KCNQ1OT1: variants seen among roughly 807,000 people sequenced by gnomAD.
KCNQ1OT1 encodes KCNQ1 opposite strand/antisense transcript 1, also known as KCNQ1 antisense RNA 2 (non-protein coding).
At chr11:2,616,531 A>G (rs1206672798) in exon 1 of KCNQ1OT1, 4 of 397,674 alleles carry the variant, frequency 1.0e-5, no homozygotes, top group African/African-American at 2.1e-5. Flanking sequence ...CACAGCTATA[A>G]TTTTTCCTCT....
exon 1 of KCNQ1OT1, chr11:2,644,811 G>A (rs1444839073): frequency 1.0e-5 from 4 of 398,508 alleles, no homozygotes; most frequent in African/African-American, 8.2e-5. Context: ...TTTTTCAGCT[G>A]TAAACAGCAC....
Position 2,658,097 on chromosome 11 carries a change from T to G in KCNQ1OT1, n.41898A>C, listed in dbSNP as rs1348287059. 4 of 398,600 alleles carry G rather than the reference T, an allele frequency of 1.0e-5. No individual in the cohort carries two copies. Among genetic ancestry groups the G allele is most frequent in the Non-Finnish European group, 1.3e-5 (3 of 226,044 alleles). 24.7% of individuals were successfully genotyped at this position (398,600 alleles called of 1,614,324 possible). ...AAGGGAGGGGTTCAACTCTACCTCC[T>G]GCAGGAGAGTATCAAAAAAAATCTG... is the stretch of plus-strand genomic sequence containing the variant. On this transcript the variant is annotated non_coding_transcript_exon_variant, in exon 1 of 1. Transcript: ENST00000597346. This position sits in a 1 kb window ranked among gnomAD's most constrained non-coding sequence, Gnocchi z 4.9.
exon 1 of KCNQ1OT1, chr11:2,639,759 G>A (rs1422700160): frequency 6.6e-6 from 1 of 152,412 alleles, no homozygotes; most frequent in Non-Finnish European, 1.5e-5. Context: ...GGACATTTAA[G>A]TCTGCAGAGG....
At position 2,661,764 on chromosome 11, in the gene KCNQ1OT1, T is replaced by C. The variant is rs1214613939; in HGVS notation, n.38231A>G. On this transcript the variant is annotated non_coding_transcript_exon_variant, in exon 1 of 1. Coordinates refer to ENST00000597346, the Ensembl canonical transcript of KCNQ1OT1. This position sits in a 1 kb window ranked among gnomAD's most constrained non-coding sequence, Gnocchi z 5.9. ...ACTGGCCTTTATTCTCCTCAGACAC[T>C]GAGGTGTCAGGCACTTTGGGGCCAT... 1.5e-6 allele frequency: 1 copy of C among 650,536 alleles called. No individual in the cohort carries two copies. The highest frequency in any genetic ancestry group is 2.7e-5 in the East Asian group (1 of 36,816). The allele number at this position is 650,536 out of a possible 1,614,324, so 40.3% of individuals were successfully genotyped here.
At position 2,687,933 on chromosome 11, in the gene KCNQ1OT1, T is replaced by TCTCCCACCCGCTGTGGGTCAGCC; in HGVS notation, n.12039_12061dup. 1 of 398,646 alleles carries TCTCCCACCCGCTGTGGGTCAGCC rather than the reference T, an allele frequency of 2.5e-6. No homozygotes were observed. The highest frequency in any genetic ancestry group is 4.4e-6 in the Non-Finnish European group (1 of 226,168). 24.7% of individuals were successfully genotyped at this position (398,646 alleles called of 1,614,324 possible). ...TCCCCAGCAGTTGTGAGGCTGCACT[T>TCTCCCACCCGCTGTGGGTCAGCC]CTCCCACCCGCTGTGGGTCAGCCAG... On this transcript the variant is annotated non_coding_transcript_exon_variant, in exon 1 of 1. Transcript: ENST00000597346. The surrounding 1 kb of genome is among the most constrained non-coding windows in gnomAD (Gnocchi z 5.0).
exon 1 of KCNQ1OT1, chr11:2,609,399 C>A (rs1419543755): frequency 2.5e-6 from 1 of 398,278 alleles, no homozygotes; most frequent in Non-Finnish European, 4.4e-6. Context: ...TGTATTATTT[C>A]AATCCTTTTA....
At position 2,654,509 on chromosome 11, in the gene KCNQ1OT1, C is replaced by T. The variant is rs986939907; in HGVS notation, n.45486G>A. On this transcript the variant is annotated non_coding_transcript_exon_variant, in exon 1 of 1. Coordinates refer to ENST00000597346, the Ensembl canonical transcript of KCNQ1OT1. The surrounding 1 kb of genome is among the most constrained non-coding windows in gnomAD (Gnocchi z 6.4). ...CAGGGGAGGGGGCAATCTCCGGAGC[C>T]CTGGAAAGCTTGTGGAAGAGGGCTT... The T allele has an allele frequency of 1.5e-5, 6 of 398,534 alleles. No individual in the cohort carries two copies. The highest frequency in any genetic ancestry group is 4.4e-5 in the Admixed American group (1 of 22,700). 24.7% of individuals were successfully genotyped at this position (398,534 alleles called of 1,614,324 possible).
In KCNQ1OT1 at chr11:2,698,812, T is replaced by C. The variant is rs1850721810; in HGVS notation, n.1183A>G. 1.0e-5 allele frequency: 4 copies of C among 398,502 alleles called. No individual in the cohort carries two copies. The highest frequency in any genetic ancestry group is 1.3e-5 in the Non-Finnish European group (3 of 226,156). 24.7% of individuals were successfully genotyped at this position (398,502 alleles called of 1,614,324 possible). A position where few individuals can be genotyped will look rare whatever the true frequency, so the allele number is the denominator to read the frequency against. On this transcript the variant is annotated non_coding_transcript_exon_variant, in exon 1 of 1. Coordinates refer to ENST00000597346, the Ensembl canonical transcript of KCNQ1OT1. This position sits in a 1 kb window ranked among gnomAD's most constrained non-coding sequence, Gnocchi z 5.1. ...CCCAACTCAGACTCCCGATCCTCTGTCCCTAATGAGGCCCTACCTAAAACC... is the reference window on the plus strand; with the variant it reads ...CCCAACTCAGACTCCCGATCCTCTGCCCCTAATGAGGCCCTACCTAAAACC...
Position 2,653,054 on chromosome 11 carries a change from A to G in KCNQ1OT1, n.46941T>C, listed in dbSNP as rs1323094528. ...TCCAATGTGAGATCCAACATGTTCC[A>G]TAATTTGCATCAAACATCCTCATAC... is the stretch of plus-strand genomic sequence containing the variant. On this transcript the variant is annotated non_coding_transcript_exon_variant, in exon 1 of 1. Transcript: ENST00000597346. The surrounding 1 kb of genome is among the most constrained non-coding windows in gnomAD (Gnocchi z 5.3). 2.5e-6 allele frequency: 1 copy of G among 398,552 alleles called. No individual in the cohort carries two copies. The highest frequency in any genetic ancestry group is 3.6e-5 in the East Asian group (1 of 28,080). 24.7% of individuals were successfully genotyped at this position (398,552 alleles called of 1,614,324 possible).
rs1483703133 is a variant in KCNQ1OT1 at position 2,676,461 on chromosome 11, T to G, written n.23534A>C. 1 of 398,570 alleles carries G rather than the reference T, an allele frequency of 2.5e-6. No individual in the cohort carries two copies. The highest frequency in any genetic ancestry group is 2.1e-5 in the African/African-American group (1 of 48,644). 24.7% of individuals were successfully genotyped at this position (398,570 alleles called of 1,614,324 possible). ...GGACATGCTCACTGTTCTGCTCAGA[T>G]TGTTAGCTGTAGTCTTTCTGGCATC... On this transcript the variant is annotated non_coding_transcript_exon_variant, in exon 1 of 1. Transcript: ENST00000597346. This position sits in a 1 kb window ranked among gnomAD's most constrained non-coding sequence, Gnocchi z 4.2.
At chr11:2,635,255 C>A (rs542780430) in exon 1 of KCNQ1OT1, 1 of 152,200 alleles carries the variant, frequency 6.6e-6, no homozygotes, top group East Asian at 1.9e-4. Context: ...AAGTCCTTGC[C>A]CATGCCTATG....
chr11:2,609,084 CTCT>C (rs980486613), exon 1 of KCNQ1OT1: 6 of 397,650 alleles, frequency 1.5e-5, no homozygotes, highest in African/African-American at 1.0e-4. Flanking sequence ...GTTTAGTTTG[CTCT>C]TCTTTTTCTA....
In KCNQ1OT1 at chr11:2,677,039, TG is replaced by T. The variant is rs1331007099; in HGVS notation, n.22955del. 2.5e-6 allele frequency: 1 copy of T among 398,516 alleles called. No individual in the cohort carries two copies. Among genetic ancestry groups the T allele is most frequent in the Non-Finnish European group, 4.4e-6 (1 of 226,064 alleles). The allele number at this position is 398,516 out of a possible 1,614,324, so 24.7% of individuals were successfully genotyped here. On this transcript the variant is annotated non_coding_transcript_exon_variant, in exon 1 of 1. Coordinates refer to ENST00000597346, the Ensembl canonical transcript of KCNQ1OT1. This position sits in a 1 kb window ranked among gnomAD's most constrained non-coding sequence, Gnocchi z 4.5. ...GGAACAGATCCTCTGTTGATGGATA[TG>T]TAGGGCAGCTAAAAAACAGCAGCCA...
chr11:2,676,693 A>ACAGCC lies in KCNQ1OT1; in HGVS notation n.23297_23301dup. 2.5e-6 allele frequency: 1 copy of ACAGCC among 398,658 alleles called. No individual in the cohort carries two copies. The highest frequency in any genetic ancestry group is 4.4e-6 in the Non-Finnish European group (1 of 226,076). 24.7% of individuals were successfully genotyped at this position (398,658 alleles called of 1,614,324 possible). ...TTTCCAAGGGAGCACTAACTGGACT[A>ACAGCC]CAGCCTGGCAGGAGATAACCAAGTC... is the stretch of plus-strand genomic sequence containing the variant. On this transcript the variant is annotated non_coding_transcript_exon_variant, in exon 1 of 1. Coordinates refer to ENST00000597346, the Ensembl canonical transcript of KCNQ1OT1. The surrounding 1 kb of genome is among the most constrained non-coding windows in gnomAD (Gnocchi z 4.2).
At chr11:2,665,473 C>T (rs865810799) in exon 1 of KCNQ1OT1, 21 of 396,350 alleles carry the variant, frequency 5.3e-5, no homozygotes, top group Middle Eastern at 6.2e-4. Context: ...TGGGTGGGGA[C>T]GGTGCCATGC....
chr11:2,653,483 A>C lies in KCNQ1OT1; in HGVS notation n.46512T>G, dbSNP rs1231593804. 2 of 398,508 alleles carry C rather than the reference A, an allele frequency of 5.0e-6. No individual in the cohort carries two copies. The highest frequency in any genetic ancestry group is 4.1e-5 in the African/African-American group (2 of 48,608). The allele number at this position is 398,508 out of a possible 1,614,324, so 24.7% of individuals were successfully genotyped here. ...ACAGCTGGACCCAGCTGTTTCAGAC[A>C]CAGCTGGACCCCAGAGCTGAGATGA... On this transcript the variant is annotated non_coding_transcript_exon_variant, in exon 1 of 1. Coordinates refer to ENST00000597346, the Ensembl canonical transcript of KCNQ1OT1. The surrounding 1 kb of genome is among the most constrained non-coding windows in gnomAD (Gnocchi z 5.3).
exon 1 of KCNQ1OT1, chr11:2,622,696 AT>A: frequency 2.5e-6 from 1 of 398,332 alleles, no homozygotes; most frequent in Non-Finnish European, 4.4e-6. Context: ...GATTGTCTGT[AT>A]GTGTGTATGT....
In KCNQ1OT1 at chr11:2,626,773, C is replaced by A. The variant is rs369043332; in HGVS notation, n.73222G>T. 2.5e-6 allele frequency: 1 copy of A among 398,532 alleles called. No homozygotes were observed. The highest frequency in any genetic ancestry group is 3.6e-5 in the East Asian group (1 of 28,066). The allele number at this position is 398,532 out of a possible 1,614,324, so 24.7% of individuals were successfully genotyped here. On this transcript the variant is annotated non_coding_transcript_exon_variant, in exon 1 of 1. Transcript: ENST00000597346. The surrounding 1 kb of genome is among the most constrained non-coding windows in gnomAD (Gnocchi z 4.0). ...CAAACTCCTGGACTCAGAAGTCCTC[C>A]CACCTCAGCCTTCAAAAGTGCTGAG...
chr11:2,639,203 C>G (rs971553101), exon 1 of KCNQ1OT1: 3 of 152,192 alleles, frequency 2.0e-5, no homozygotes, highest in African/African-American at 4.8e-5. Flanking sequence ...TGAAGCCTTC[C>G]TCTCTCAACT....
Sources: allele counts gnomAD v4.1 joint callset, GRCh38; gene constraint gnomAD v4.1.1; non-coding constraint Gnocchi (gnomAD v3.1); transcripts MANE v1.5; gene names NCBI Gene and HGNC (gene_info 2026-07-23, HGNC 2026-07-21).